Variants in JARID2 observed in about 807,000 individuals in gnomAD.
JARID2 encodes jumonji and AT-rich interaction domain containing 2, also known as protein Jumonji.
In JARID2, 21 loss-of-function variants were observed where a neutral mutation model predicts 125.6. That is an observed-to-expected ratio of 0.17 (90% CI 0.12 to 0.24). The LOEUF (loss-of-function observed/expected upper bound fraction) is 0.24, where lower values mean the gene tolerates loss of function less well. JARID2 is among the 10% of genes least tolerant of loss of function. The pLI, the probability that JARID2 is intolerant of heterozygous loss-of-function variation, is 1.00. For missense variants in JARID2, 1,303 were observed against 1,639.6 expected, an observed-to-expected ratio of 0.79 and a Z score of 3.55; for synonymous variants, 736 against 661.6, an observed-to-expected ratio of 1.11 and a Z score of -1.73.
chr6:15,318,393 A>G lies in JARID2; in HGVS notation c.46-55724A>G, dbSNP rs566899006. On this transcript the variant is annotated intron_variant, in intron 1 of 17. Transcript: ENST00000341776. ...AGGGGGATGAGGCACATAGTTGTCT[A>G]CATGAAACAGGCAGATCTTTGTTTT... Among the ~76,000 whole-genome samples the G allele has an allele frequency of 6.6e-5, 10 of 152,380 alleles. No individual in the cohort carries two copies. The South Asian group carries it at 2.1e-3, about 32-fold the overall frequency.
intron 1 of JARID2, among the ~76,000 whole-genome samples, chr6:15,353,736 C>CA (rs879404994): frequency 1.5e-3 from 220 of 145,688 alleles, no homozygotes; most frequent in Middle Eastern, 6.9e-3. Context: ...GATTTCAATG[C>CA]AAAAAAAAAA....
chr6:15,408,680 C>T lies in JARID2; in HGVS notation c.182-1544C>T, dbSNP rs1765750051. Among the ~76,000 whole-genome samples the T allele has an allele frequency of 2.0e-5, 3 of 152,194 alleles. No individual in the cohort carries two copies. The South Asian group carries it at 6.2e-4, about 31-fold the overall frequency. On this transcript the variant is annotated intron_variant, in intron 2 of 17. Transcript: ENST00000341776. Reference sequence around the variant, plus strand: ...ATACAACATTGTCAATGACATGTTACATTCTGATATTAAATTACAATTAAG... The same window carrying T: ...ATACAACATTGTCAATGACATGTTATATTCTGATATTAAATTACAATTAAG...
At chr6:15,393,658 C>G (rs1267778026) in intron 2 of JARID2, among the ~76,000 whole-genome samples, 4 of 152,168 alleles carry the variant, frequency 2.6e-5, no homozygotes, top group Non-Finnish European at 5.9e-5. Context: ...TTCTGGTCTT[C>G]TCCATGATGT....
intron 3 of JARID2, among the ~76,000 whole-genome samples, chr6:15,427,314 T>A (rs762801586): frequency 2.6e-5 from 4 of 152,226 alleles, no homozygotes; most frequent in Non-Finnish European, 5.9e-5. Context: ...TGTTGGGACT[T>A]CATATTCACC....
At chr6:15,448,380 C>T (rs1265163724) in intron 3 of JARID2, among the ~76,000 whole-genome samples, 1 of 152,140 alleles carries the variant, frequency 6.6e-6, no homozygotes, top group East Asian at 1.9e-4. Context: ...GTTGTCTGTG[C>T]TTCGTCTGTG....
At chr6:15,393,487 T>C (rs1765102992) in intron 2 of JARID2, among the ~76,000 whole-genome samples, 2 of 152,248 alleles carry the variant, frequency 1.3e-5, no homozygotes, top group East Asian at 3.8e-4. Context: ...CCAGTTTCCC[T>C]GTGATACCAT....
intron 1 of JARID2, among the ~76,000 whole-genome samples, chr6:15,359,152 T>A (rs1288858652): frequency 6.6e-6 from 1 of 152,196 alleles, no homozygotes; most frequent in Non-Finnish European, 1.5e-5. Context: ...GCTCAAGGAT[T>A]ATGGAAGAAG....
chr6:15,270,550 G>T (rs943015033), intron 1 of JARID2, among the ~76,000 whole-genome samples: 4 of 152,172 alleles, frequency 2.6e-5, no homozygotes, highest in African/African-American at 9.7e-5. Context: ...TTATGATTGC[G>T]AGTCATGTCA....
intron 1 of JARID2, chr6:15,368,581 C>A: frequency 2.7e-6 from 1 of 365,158 alleles, no homozygotes; most frequent in South Asian, 2.0e-5. Flanking sequence ...GAAGTCATCC[C>A]AAGTTGAGTA....
chr6:15,458,875 GT>G (rs1261461522), intron 4 of JARID2, among the ~76,000 whole-genome samples: 2 of 152,226 alleles, frequency 1.3e-5, no homozygotes, highest in Non-Finnish European at 2.9e-5. Flanking sequence ...AAGCAAGAAA[GT>G]TAGGATAAGC....
chr6:15,452,260 C>A, intron 4 of JARID2, 85 bp downstream of exon 4: 1 of 1,522,870 alleles, frequency 6.6e-7, no homozygotes, highest in Non-Finnish European at 8.8e-7. Context: ...TAGCTTTACT[C>A]TCTGCCATGT....
At chr6:15,336,522 T>A (rs189174002) in intron 1 of JARID2, among the ~76,000 whole-genome samples, 2 of 152,338 alleles carry the variant, frequency 1.3e-5, no homozygotes, top group East Asian at 3.9e-4. Context: ...ATAAGGGTCT[T>A]GTAGGGAAAC....
chr6:15,422,277 G>C (rs1046135489), intron 3 of JARID2, among the ~76,000 whole-genome samples: 1 of 152,206 alleles, frequency 6.6e-6, no homozygotes, highest in Non-Finnish European at 1.5e-5. Context: ...TTTTCCTGCA[G>C]TGAGCTGGAG....
In JARID2 at chr6:15,247,987, T is replaced by C; in HGVS notation, c.45+1403T>C. On this transcript the variant is annotated intron_variant, in intron 1 of 17. Transcript: ENST00000341776. The stretch of plus-strand genomic sequence containing the variant: ...GTTTCGGATGCAGCCACAAAGCAAA[T>C]GGGGTAGAACTTGGACGAGAACCGC... 3.0e-6 allele frequency: 3 copies of C among 985,218 alleles called. No individual in the cohort carries two copies. The African/African-American group carries it at 5.2e-5, about 17-fold the overall frequency. The allele number at this position is 985,218 out of a possible 1,614,324, so 61.0% of individuals were successfully genotyped here. A position where few individuals can be genotyped will look rare whatever the true frequency, so the allele number is the denominator to read the frequency against.
At chr6:15,354,053 G>T (rs1203438606) in intron 1 of JARID2, among the ~76,000 whole-genome samples, 1 of 152,204 alleles carries the variant, frequency 6.6e-6, no homozygotes, top group Non-Finnish European at 1.5e-5. Context: ...GTTCAGTCTT[G>T]TTCACAGGTG....
At chr6:15,481,609 T>C (rs1223449934) in intron 5 of JARID2, among the ~76,000 whole-genome samples, 2 of 152,322 alleles carry the variant, frequency 1.3e-5, no homozygotes, top group East Asian at 3.9e-4. Flanking sequence ...TCTTTGGCTC[T>C]GTCGGTGTTG....
chr6:15,249,582 A>G (rs1480295787), intron 1 of JARID2, among the ~76,000 whole-genome samples: 1 of 152,212 alleles, frequency 6.6e-6, no homozygotes, highest in Non-Finnish European at 1.5e-5. Flanking sequence ...GATCATGTGC[A>G]TGGAAGATGT....
At chr6:15,320,933 G>A (rs910552895) in intron 1 of JARID2, among the ~76,000 whole-genome samples, 3 of 151,564 alleles carry the variant, frequency 2.0e-5, no homozygotes, top group Non-Finnish European at 2.9e-5. Context: ...GTAATTTTGT[G>A]ATGCTGGTAC....
At chr6:15,456,803 A>G (rs1289136656) in intron 4 of JARID2, among the ~76,000 whole-genome samples, 1 of 151,396 alleles carries the variant, frequency 6.6e-6, no homozygotes, top group African/African-American at 2.4e-5. Context: ...TACAAAGGTT[A>G]CATAGTGATC....
Sources: gnomAD v4.1 joint callset for allele counts (sites outside exome capture counted in the v4.1 genomes callset) on GRCh38, gnomAD v4.1.1 for gene constraint, MANE v1.5 for transcripts, NCBI Gene and HGNC (gene_info 2026-07-23, HGNC 2026-07-21) for gene names.